The following LRRC4C variants were observed in gnomAD, a reference collection of about 807,000 sequenced individuals.
The protein encoded by LRRC4C is leucine-rich repeat-containing protein 4C.
A neutral mutation model predicts 33.6 loss-of-function variants in LRRC4C; 5 were observed. The ratio of observed to expected loss-of-function variants is 0.15; its 90% CI spans 0.08 to 0.31. The LOEUF is 0.31. LRRC4C is among the 10% of genes least tolerant of loss of function. The pLI is 1.00. For missense variants in LRRC4C, 560 were observed against 796.7 expected, an observed-to-expected ratio of 0.70 and a Z score of 3.58; for synonymous variants, 329 against 302.0, an observed-to-expected ratio of 1.09 and a Z score of -0.93.
At chr11:40,585,510 T>A (rs1217598391) in intron 3 of LRRC4C, among the ~76,000 whole-genome samples, 1 of 151,246 alleles carries the variant, frequency 6.6e-6, no homozygotes, top group South Asian at 2.1e-4. Flanking sequence ...TTAGGGTACA[T>A]GTGCACATTG....
intron 6 of LRRC4C, among the ~76,000 whole-genome samples, chr11:40,137,743 C>T (rs1857079500): frequency 6.6e-6 from 1 of 152,132 alleles, no homozygotes; most frequent in African/African-American, 2.4e-5. Context: ...TCTCCTTTTT[C>T]CTAACCTATA....
chr11:40,194,053 A>T (rs922767978), intron 5 of LRRC4C, among the ~76,000 whole-genome samples: 1 of 152,174 alleles, frequency 6.6e-6, no homozygotes, highest in African/African-American at 2.4e-5. Flanking sequence ...ATCCAGGAGC[A>T]CTTCCCCTAC....
intron 4 of LRRC4C, among the ~76,000 whole-genome samples, chr11:40,312,464 T>G (rs1478022579): frequency 1.3e-5 from 2 of 152,224 alleles, no homozygotes; most frequent in African/African-American, 2.4e-5. Flanking sequence ...GCATGGGAAT[T>G]TATTCACATC....
intron 1 of LRRC4C, among the ~76,000 whole-genome samples, chr11:40,983,721 G>A (rs1322272425): frequency 6.6e-6 from 1 of 151,974 alleles, no homozygotes; most frequent in African/African-American, 2.4e-5. Context: ...ACATATATGT[G>A]GCTAATAAGT....
At chr11:40,679,348 T>A (rs192460912) in intron 2 of LRRC4C, among the ~76,000 whole-genome samples, 1 of 152,254 alleles carries the variant, frequency 6.6e-6, no homozygotes, top group Admixed American at 6.5e-5. Flanking sequence ...CCCCATTCTC[T>A]GAGGAGAAAT....
intron 3 of LRRC4C, among the ~76,000 whole-genome samples, chr11:40,624,426 G>C (rs957221141): frequency 2.0e-5 from 3 of 152,096 alleles, no homozygotes; most frequent in African/African-American, 4.8e-5. Flanking sequence ...TCCCAGATGT[G>C]GCAGTGACCA....
intron 1 of LRRC4C, among the ~76,000 whole-genome samples, chr11:41,057,622 C>T (rs907902854): frequency 2.6e-4 from 39 of 152,206 alleles, no homozygotes; most frequent in Non-Finnish European, 5.1e-4. Flanking sequence ...CCATAGAAGC[C>T]CTGGACTCAG....
At chr11:41,022,142 T>TTATATATATATATATATATATATATATA (rs142909883) in intron 1 of LRRC4C, among the ~76,000 whole-genome samples, 13 of 139,052 alleles carry the variant, frequency 9.3e-5, no homozygotes, top group African/African-American at 3.5e-4. Context: ...CAATTTTGTT[T>TTATATATATATATATATATATATATATA]TATATATATA....
intron 2 of LRRC4C, among the ~76,000 whole-genome samples, chr11:40,909,297 G>T (rs1414315647): frequency 1.3e-5 from 2 of 151,852 alleles, no homozygotes; most frequent in African/African-American, 2.4e-5. Flanking sequence ...GATAAATTGT[G>T]GCTTGCTTTG....
chr11:40,374,301 A>T (rs1443832213), intron 3 of LRRC4C, among the ~76,000 whole-genome samples: 3 of 152,172 alleles, frequency 2.0e-5, no homozygotes, highest in Non-Finnish European at 4.4e-5. Context: ...GGGTAGAATT[A>T]GTCTTATTTA....
intron 2 of LRRC4C, among the ~76,000 whole-genome samples, chr11:40,716,573 T>A (rs781548032): frequency 5.9e-5 from 9 of 152,124 alleles, no homozygotes; most frequent in Non-Finnish European, 1.2e-4. Context: ...GAACAGTACT[T>A]ACGACATTGC....
chr11:40,325,740 A>G (rs1294099658), intron 3 of LRRC4C, among the ~76,000 whole-genome samples: 1 of 152,200 alleles, frequency 6.6e-6, no homozygotes, highest in Non-Finnish European at 1.5e-5. Context: ...CAGGCAGCTA[A>G]TGATCATAGC....
intron 3 of LRRC4C, among the ~76,000 whole-genome samples, chr11:40,511,988 C>T (rs1047097750): frequency 2.6e-5 from 4 of 152,024 alleles, no homozygotes; most frequent in Admixed American, 6.6e-5. Flanking sequence ...AATGATACTT[C>T]GTTTTTATTC....
At chr11:41,051,534 A>AAAAAAAAAAAAAAAAAAAAAAAAAAAG in intron 1 of LRRC4C, among the ~76,000 whole-genome samples, 1 of 131,454 alleles carries the variant, frequency 7.6e-6, no homozygotes. Context: ...AAAAAAAAAA[A>AAAAAAAAAAAAAAAAAAAAAAAAAAAG]AAAAAAAAAA....
chr11:41,384,779 T>C (rs11036378), intron 1 of LRRC4C, among the ~76,000 whole-genome samples: 25,066 of 149,490 alleles, frequency 0.17, 2,411 homozygotes, highest in Middle Eastern at 0.25. Context: ...ATTAAACTGT[T>C]GCATATGAAT....
At position 40,713,717 on chromosome 11, in the gene LRRC4C, A is replaced by G. The variant is rs1591532464; in HGVS notation, c.-406-65439T>C. 2.0e-5 allele frequency among the ~76,000 whole-genome samples: 3 copies of G among 152,282 alleles called. No homozygotes were observed. The South Asian group carries it at 6.2e-4, about 32-fold the overall frequency. ...GTTTTCTTGTTTCTCCTTCTCGCTG[A>G]TATAAATCTGTCTTTAATTATATCT... is the stretch of plus-strand genomic sequence containing the variant. On this transcript the variant is annotated intron_variant, in intron 2 of 6. Coordinates refer to ENST00000528697, the MANE Select transcript of LRRC4C (RefSeq NM_001258419.2).
intron 2 of LRRC4C, among the ~76,000 whole-genome samples, chr11:40,663,622 G>A (rs1943563862): frequency 6.6e-6 from 1 of 152,124 alleles, no homozygotes; most frequent in African/African-American, 2.4e-5. Flanking sequence ...TTAGCCAGTG[G>A]GGTGAGCCAA....
chr11:40,703,078 T>C (rs1945956340), intron 2 of LRRC4C, among the ~76,000 whole-genome samples: 1 of 152,056 alleles, frequency 6.6e-6, no homozygotes, highest in Non-Finnish European at 1.5e-5. Context: ...TATTTTTTAA[T>C]AGGGGGCAAT....
intron 2 of LRRC4C, among the ~76,000 whole-genome samples, chr11:40,730,877 C>A (rs1947537485): frequency 6.6e-6 from 1 of 152,152 alleles, no homozygotes; most frequent in African/African-American, 2.4e-5. Context: ...TAGTTTGGAT[C>A]TGCGTCCCTG....
Sources: allele counts gnomAD v4.1 joint callset (sites outside exome capture counted in the v4.1 genomes callset), GRCh38; gene constraint gnomAD v4.1.1; transcripts MANE v1.5; gene names NCBI Gene and HGNC (gene_info 2026-07-23, HGNC 2026-07-21).